ERBB4: variants seen among roughly 807,000 people sequenced by gnomAD.
ERBB4 encodes the protein receptor tyrosine-protein kinase erbB-4.
Under a neutral mutation model 158.0 loss-of-function variants are expected in ERBB4, and 42 were observed. The observed-to-expected ratio is 0.27, with a 90% CI of 0.21 to 0.34. ERBB4 has a LOEUF of 0.34. Ranked by LOEUF, ERBB4 falls within the 10% of genes least tolerant of loss-of-function variation. ERBB4 has a pLI of 1.00. For synonymous variants in ERBB4, 583 were observed against 558.7 expected, an observed-to-expected ratio of 1.04 and a Z score of -0.61; for missense variants, 1,333 against 1,624.1, an observed-to-expected ratio of 0.82 and a Z score of 3.08.
At chr2:212,022,408 T>C (rs113353582) in intron 2 of ERBB4, among the ~76,000 whole-genome samples, 14 of 152,122 alleles carry the variant, frequency 9.2e-5, no homozygotes, top group African/African-American at 3.1e-4. Context: ...TGGAAGCCAT[T>C]ATCCTCACCA....
intron 20 of ERBB4, among the ~76,000 whole-genome samples, chr2:211,474,104 T>C (rs925130545): frequency 2.6e-5 from 4 of 152,088 alleles, no homozygotes. Context: ...CTCTCACTTA[T>C]GAAGTATTTG....
At chr2:212,432,179 G>A (rs1024599135) in intron 1 of ERBB4, among the ~76,000 whole-genome samples, 15 of 152,126 alleles carry the variant, frequency 9.9e-5, no homozygotes, top group African/African-American at 1.9e-4. Context: ...CTGAAAGGAG[G>A]TGGAATCAAA....
chr2:212,076,786 A>G (rs1028762061), intron 2 of ERBB4, among the ~76,000 whole-genome samples: 1 of 151,932 alleles, frequency 6.6e-6, no homozygotes, highest in African/African-American at 2.4e-5. Flanking sequence ...GTTTGTTTAT[A>G]AGATATAAGG....
intron 16 of ERBB4, among the ~76,000 whole-genome samples, chr2:211,647,255 C>T (rs1283013147): frequency 6.6e-6 from 1 of 151,354 alleles, no homozygotes; most frequent in Non-Finnish European, 1.5e-5. Flanking sequence ...CAACCTCTCA[C>T]ACTCTATAAA....
At chr2:211,828,493 A>T (rs1266527249) in intron 3 of ERBB4, among the ~76,000 whole-genome samples, 1 of 152,130 alleles carries the variant, frequency 6.6e-6, no homozygotes, top group African/African-American at 2.4e-5. Context: ...TGCTGCAGAG[A>T]TGGACTCAAA....
chr2:211,394,700 A>C (rs1057153453), intron 25 of ERBB4, among the ~76,000 whole-genome samples: 1 of 152,088 alleles, frequency 6.6e-6, no homozygotes, highest in African/African-American at 2.4e-5. Flanking sequence ...TGATTCTTCA[A>C]ATGAATCGTG....
chr2:211,424,107 T>A, intron 23 of ERBB4, 48 bp downstream of exon 23: 1 of 1,557,934 alleles, frequency 6.4e-7, no homozygotes, highest in Non-Finnish European at 8.9e-7. Flanking sequence ...TCTCTGCTAT[T>A]ACTTTACTAA....
intron 2 of ERBB4, among the ~76,000 whole-genome samples, chr2:212,100,078 G>C (rs1047445763): frequency 6.6e-6 from 1 of 151,906 alleles, no homozygotes; most frequent in African/African-American, 2.4e-5. Context: ...TACATCAATG[G>C]TCTTACAGTC....
At chr2:212,417,559 T>G (rs867073768) in intron 1 of ERBB4, among the ~76,000 whole-genome samples, 3 of 152,010 alleles carry the variant, frequency 2.0e-5, no homozygotes, top group Admixed American at 6.6e-5. Context: ...ATCCCAAATC[T>G]AAAACACATC....
chr2:212,263,867 T>TAAC (rs2085034556), intron 1 of ERBB4, among the ~76,000 whole-genome samples: 1 of 151,762 alleles, frequency 6.6e-6, no homozygotes, highest in African/African-American at 2.4e-5. Flanking sequence ...TGCAAGATTC[T>TAAC]AATAATAATA....
At chr2:212,344,000 T>C (rs1195863768) in intron 1 of ERBB4, among the ~76,000 whole-genome samples, 2 of 152,194 alleles carry the variant, frequency 1.3e-5, no homozygotes, top group African/African-American at 4.8e-5. Flanking sequence ...AAACCCTGCA[T>C]ATTCTGTCTT....
At position 211,515,155 on chromosome 2, in the gene ERBB4, G is replaced by A. The variant is rs150755943; in HGVS notation, c.2487+46748C>T. On this transcript the variant is annotated intron_variant, in intron 20 of 27. Transcript: ENST00000342788. ...TTCTTGACAAAGACAACAAACATCC[G>A]ATATTTCTCAAGACCTGGAAATTGG... 4.9e-3 allele frequency among the ~76,000 whole-genome samples: 746 copies of A among 152,162 alleles called. 11 individuals carry two copies. The highest frequency in any genetic ancestry group is 0.017 in the African/African-American group (706 of 41,498).
intron 15 of ERBB4, among the ~76,000 whole-genome samples, chr2:211,664,301 G>A (rs1274302572): frequency 1.3e-5 from 2 of 151,618 alleles, no homozygotes; most frequent in African/African-American, 2.4e-5. Flanking sequence ...CAGATATAAA[G>A]TACCCAAGCT....
chr2:212,470,302 A>G (rs1466117860), intron 1 of ERBB4, among the ~76,000 whole-genome samples: 1 of 152,104 alleles, frequency 6.6e-6, no homozygotes, highest in African/African-American at 2.4e-5. Flanking sequence ...TTCACCCAGT[A>G]ACTGGCCTAT....
At chr2:211,680,996 T>G (rs1454598670) in intron 12 of ERBB4, among the ~76,000 whole-genome samples, 1 of 152,226 alleles carries the variant, frequency 6.6e-6, no homozygotes, top group Non-Finnish European at 1.5e-5. Flanking sequence ...CATGACCTTA[T>G]GTAATCCTTG....
chr2:211,867,805 T>C lies in ERBB4; in HGVS notation c.421+79625A>G, dbSNP rs558645311. Among the ~76,000 whole-genome samples, 23 of 152,338 alleles carry C rather than the reference T, an allele frequency of 1.5e-4. 1 individual carries two copies. The South Asian group carries it at 4.8e-3, about 32-fold the overall frequency. ...AACTTAAACCGTATGTTTATTGTTATATATGTAACAAATCTTCATACTAGA... is the reference window on the plus strand; with the variant it reads ...AACTTAAACCGTATGTTTATTGTTACATATGTAACAAATCTTCATACTAGA... On this transcript the variant is annotated intron_variant, in intron 3 of 27. Coordinates refer to ENST00000342788, the MANE Select transcript of ERBB4 (RefSeq NM_005235.3).
At chr2:211,477,294 A>T (rs1439886922) in intron 20 of ERBB4, among the ~76,000 whole-genome samples, 1 of 151,314 alleles carries the variant, frequency 6.6e-6, no homozygotes, top group Admixed American at 6.6e-5. Flanking sequence ...CAAATTCCTT[A>T]AAATCTCTCT....
At chr2:212,224,883 TGA>T (rs2105964853) in intron 1 of ERBB4, among the ~76,000 whole-genome samples, 1 of 152,226 alleles carries the variant, frequency 6.6e-6, no homozygotes, top group East Asian at 1.9e-4. Context: ...AAGAATTTGT[TGA>T]GTCATACATT....
chr2:211,589,354 G>A (rs924323485), intron 19 of ERBB4, among the ~76,000 whole-genome samples: 21 of 151,968 alleles, frequency 1.4e-4, no homozygotes, highest in African/African-American at 3.9e-4. Flanking sequence ...GATAATTGTC[G>A]AGTCAATGTG....
Sources: gnomAD v4.1 joint callset for allele counts (sites outside exome capture counted in the v4.1 genomes callset) on GRCh38, gnomAD v4.1.1 for gene constraint, MANE v1.5 for transcripts, NCBI Gene and HGNC (gene_info 2026-07-23, HGNC 2026-07-21) for gene names.